The following KCTD8 variants were observed in gnomAD, a reference collection of about 807,000 sequenced individuals.
KCTD8 encodes BTB/POZ domain-containing protein KCTD8.
Under a neutral mutation model 31.5 loss-of-function variants are expected in KCTD8, and 27 were observed. The observed-to-expected ratio is 0.86, with a 90% CI of 0.63 to 1.18. The LOEUF (loss-of-function observed/expected upper bound fraction) is 1.18, where lower values mean the gene tolerates loss of function less well. Ranked by LOEUF, KCTD8 falls within the 50% of genes most tolerant of loss-of-function variation. The pLI, the probability that KCTD8 is intolerant of heterozygous loss-of-function variation, is 0.00. For missense variants in KCTD8, 658 were observed against 647.7 expected (o/e 1.02, Z -0.17); for synonymous variants, 290 against 280.0 (o/e 1.04, Z -0.36).
intron 1 of KCTD8, among the ~76,000 whole-genome samples, chr4:44,222,716 G>A (rs377404390): frequency 4.9e-4 from 75 of 152,260 alleles, no homozygotes; most frequent in African/African-American, 1.6e-3. Context: ...AGGAAATTCT[G>A]GGAATTCTAG....
chr4:44,354,651 A>G (rs761889755), intron 1 of KCTD8, among the ~76,000 whole-genome samples: 1 of 152,148 alleles, frequency 6.6e-6, no homozygotes, highest in Non-Finnish European at 1.5e-5. Flanking sequence ...CATTTGCACG[A>G]ATCCATGAGG....
At chr4:44,400,611 C>T (rs1405806301) in intron 1 of KCTD8, among the ~76,000 whole-genome samples, 1 of 151,558 alleles carries the variant, frequency 6.6e-6, no homozygotes, top group Non-Finnish European at 1.5e-5. Context: ...CACCTGTAGT[C>T]CCAGTTACTC....
At chr4:44,226,022 G>T (rs1487304894) in intron 1 of KCTD8, among the ~76,000 whole-genome samples, 1 of 151,884 alleles carries the variant, frequency 6.6e-6, no homozygotes, top group Admixed American at 6.6e-5. Context: ...TAGAGATGGG[G>T]TTTCACCGTG....
At chr4:44,424,611 G>GT (rs1721301109) in intron 1 of KCTD8, among the ~76,000 whole-genome samples, 1 of 151,998 alleles carries the variant, frequency 6.6e-6, no homozygotes, top group African/African-American at 2.4e-5. Flanking sequence ...CAAAAAGTAA[G>GT]TTTGGCAATT....
intron 1 of KCTD8, among the ~76,000 whole-genome samples, chr4:44,370,665 G>T (rs1384969348): frequency 1.3e-5 from 2 of 152,092 alleles, no homozygotes; most frequent in Non-Finnish European, 2.9e-5. Context: ...CATCAGTCTG[G>T]TTTTTTATAA....
intron 1 of KCTD8, among the ~76,000 whole-genome samples, chr4:44,325,872 G>T (rs1718430687): frequency 6.6e-6 from 1 of 151,866 alleles, no homozygotes. Flanking sequence ...CCACAAACAA[G>T]ACAGGAAGAA....
chr4:44,227,535 G>A (rs913486664), intron 1 of KCTD8, among the ~76,000 whole-genome samples: 10 of 152,066 alleles, frequency 6.6e-5, no homozygotes, highest in African/African-American at 2.4e-4. Flanking sequence ...GATTTAAGTG[G>A]GATCAAGTGA....
At chr4:44,379,853 G>A (rs1720015080) in intron 1 of KCTD8, among the ~76,000 whole-genome samples, 1 of 151,998 alleles carries the variant, frequency 6.6e-6, no homozygotes, top group Non-Finnish European at 1.5e-5. Flanking sequence ...ACACAGACCT[G>A]ACTTATATTT....
chr4:44,367,236 T>TC (rs1719663797), intron 1 of KCTD8, among the ~76,000 whole-genome samples: 1 of 152,146 alleles, frequency 6.6e-6, no homozygotes, highest in African/African-American at 2.4e-5. Flanking sequence ...CTAGTAGAAA[T>TC]CCCCCATTAC....
intron 1 of KCTD8, among the ~76,000 whole-genome samples, chr4:44,180,584 CAT>C (rs200567643): frequency 0.036 from 5,128 of 142,698 alleles, 303 homozygotes; most frequent in African/African-American, 0.13. Context: ...AGTATACATA[CAT>C]GCACACACAC....
At chr4:44,388,998 A>T (rs893345595) in intron 1 of KCTD8, among the ~76,000 whole-genome samples, 1 of 151,842 alleles carries the variant, frequency 6.6e-6, no homozygotes, top group Non-Finnish European at 1.5e-5. Context: ...GGAGGACATT[A>T]TGATAAGTGA....
intron 1 of KCTD8, among the ~76,000 whole-genome samples, chr4:44,361,955 C>T (rs1229892280): frequency 1.3e-5 from 2 of 151,998 alleles, no homozygotes; most frequent in African/African-American, 4.8e-5. Flanking sequence ...CTCAGAGCCC[C>T]ACGAATCTCA....
rs183044523 is a variant in KCTD8 at position 44,221,567 on chromosome 4, T to C, written c.962-46317A>G. On this transcript the variant is annotated intron_variant, in intron 1 of 1. Coordinates refer to ENST00000360029, the MANE Select transcript of KCTD8 (RefSeq NM_198353.3). ...AGTCCAAGTCCAAAACCCTCAAAAGTAGGGAAGCCAAAACTGCAGCCTTCA... is the reference window on the plus strand; with the variant it reads ...AGTCCAAGTCCAAAACCCTCAAAAGCAGGGAAGCCAAAACTGCAGCCTTCA... Among the ~76,000 whole-genome samples the C allele has an allele frequency of 5.7e-4, 86 of 152,160 alleles. 1 individual carries two copies. In the East Asian group the frequency reaches 0.015, roughly 27 times the overall value.
At chr4:44,302,831 T>C (rs916736672) in intron 1 of KCTD8, among the ~76,000 whole-genome samples, 6 of 152,090 alleles carry the variant, frequency 3.9e-5, no homozygotes, top group African/African-American at 1.5e-4. Context: ...TTTTTGCCCA[T>C]TCAGTATGAT....
Position 44,416,391 on chromosome 4 carries a change from T to C in KCTD8, c.961+31172A>G, listed in dbSNP as rs529456903. On this transcript the variant is annotated intron_variant, in intron 1 of 1. Coordinates refer to ENST00000360029, the MANE Select transcript of KCTD8 (RefSeq NM_198353.3). ...TTAGGGGACTATTAAGGGATTATTG[T>C]ATTTTGTGATGTGAGAAGGGTATGA... is the stretch of plus-strand genomic sequence containing the variant. 3.9e-5 allele frequency among the ~76,000 whole-genome samples: 6 copies of C among 152,280 alleles called. No individual in the cohort carries two copies. The South Asian group carries it at 1.2e-3, about 32-fold the overall frequency.
intron 1 of KCTD8, among the ~76,000 whole-genome samples, chr4:44,218,572 A>C (rs893308116): frequency 1.5e-4 from 22 of 148,928 alleles, no homozygotes; most frequent in African/African-American, 4.9e-4. Flanking sequence ...ATAAATATAT[A>C]TCTATATATA....
intron 1 of KCTD8, among the ~76,000 whole-genome samples, chr4:44,242,594 A>T (rs1392969498): frequency 6.6e-6 from 1 of 151,662 alleles, no homozygotes; most frequent in Admixed American, 6.6e-5. Context: ...AAACAAACAA[A>T]CAAACAAACA....
chr4:44,340,652 C>T (rs968648496), intron 1 of KCTD8, among the ~76,000 whole-genome samples: 6 of 151,886 alleles, frequency 4.0e-5, no homozygotes, highest in Admixed American at 1.3e-4. Flanking sequence ...CAAATTGTGA[C>T]GTATTTGAAA....
rs187038370 is a variant in KCTD8 at position 44,243,387 on chromosome 4, C to A, written c.962-68137G>T. ...ACTGCAGTTTATATTCACCAACTTA[C>A]AGTACACCATATACAAACCATGTGT... On this transcript the variant is annotated intron_variant, in intron 1 of 1. Coordinates refer to ENST00000360029, the MANE Select transcript of KCTD8 (RefSeq NM_198353.3). 2.5e-3 allele frequency among the ~76,000 whole-genome samples: 387 copies of A among 152,314 alleles called. 1 individual carries two copies. The highest frequency in any genetic ancestry group is 8.9e-3 in the African/African-American group (371 of 41,572).
Sources: allele counts gnomAD v4.1 joint callset (sites outside exome capture counted in the v4.1 genomes callset), GRCh38; gene constraint gnomAD v4.1.1; transcripts MANE v1.5; gene names NCBI Gene and HGNC (gene_info 2026-07-23, HGNC 2026-07-21).